NCALD: variants seen among roughly 807,000 people sequenced by gnomAD.
The protein encoded by NCALD is neurocalcin-delta.
Under a neutral mutation model 18.6 loss-of-function variants are expected in NCALD, and 10 were observed. The ratio of observed to expected loss-of-function variants is 0.54; its 90% confidence interval spans 0.33 to 0.91. The LOEUF (loss-of-function observed/expected upper bound fraction) is 0.91. Among genes scored for constraint, NCALD ranks in the 40% least tolerant of loss-of-function variants. The pLI is 0.03. For synonymous variants in NCALD, 88 were observed against 87.4 expected, an observed-to-expected ratio of 1.01 and a Z score of -0.04; for missense variants, 184 against 247.6, an observed-to-expected ratio of 0.74 and a Z score of 1.72.
chr8:101,963,736 A>G (rs1256558103), intron 2 of NCALD, among the ~76,000 whole-genome samples: 1 of 152,182 alleles, frequency 6.6e-6, no homozygotes, highest in Non-Finnish European at 1.5e-5. Flanking sequence ...CCTTATTGGC[A>G]CAACAAGCTA....
At chr8:101,830,359 G>A (rs866384631) in intron 4 of NCALD, among the ~76,000 whole-genome samples, 2 of 152,048 alleles carry the variant, frequency 1.3e-5, no homozygotes, top group African/African-American at 2.4e-5. Context: ...TCAGGAGTTC[G>A]TGTCCAGCCT....
At position 101,688,604 on chromosome 8, in the gene NCALD, A is replaced by G. The variant is rs1163727504; in HGVS notation, c.*705T>C. 2.2e-6 allele frequency: 1 copy of G among 456,158 alleles called. No individual in the cohort carries two copies. Among genetic ancestry groups the G allele is most frequent in the African/African-American group, 2.0e-5 (1 of 50,038 alleles). The allele number at this position is 456,158 out of a possible 1,614,324, so 28.3% of individuals were successfully genotyped here. ...TCTTTTTATTTTATCACAATAGGCA[A>G]CAAGATGGGTCTGGTTTTGGAATAT... On this transcript the variant is annotated 3_prime_UTR_variant, in exon 4 of 4. Transcript: ENST00000220931.
intron 1 of NCALD, among the ~76,000 whole-genome samples, chr8:101,760,055 C>T (rs1475291984): frequency 6.6e-6 from 1 of 152,156 alleles, no homozygotes; most frequent in East Asian, 1.9e-4. Context: ...AAGGTTATGG[C>T]TCCAGTCCCA....
intron 1 of NCALD, among the ~76,000 whole-genome samples, chr8:101,771,073 T>C (rs1811566912): frequency 2.0e-5 from 3 of 152,214 alleles, no homozygotes; most frequent in Admixed American, 6.5e-5. Context: ...TCAAAGTTAC[T>C]TTCTTTTCTT....
At chr8:102,037,564 A>G (rs1427645707) in intron 1 of NCALD, among the ~76,000 whole-genome samples, 3 of 152,250 alleles carry the variant, frequency 2.0e-5, no homozygotes, top group Non-Finnish European at 4.4e-5. Context: ...GCTATCTCCT[A>G]GAGATATAAA....
intron 2 of NCALD, among the ~76,000 whole-genome samples, chr8:101,951,794 G>A (rs1819434818): frequency 6.6e-6 from 1 of 152,152 alleles, no homozygotes. Context: ...AAGCTACAGA[G>A]ATGCCTGAGA....
At chr8:102,016,943 G>A (rs967650373) in intron 2 of NCALD, among the ~76,000 whole-genome samples, 1 of 152,108 alleles carries the variant, frequency 6.6e-6, no homozygotes. Flanking sequence ...TGATTAATAT[G>A]TTAAAGGCTC....
At chr8:101,704,666 C>T (rs957784902) in intron 2 of NCALD, among the ~76,000 whole-genome samples, 1 of 152,002 alleles carries the variant, frequency 6.6e-6, no homozygotes, top group African/African-American at 2.4e-5. Context: ...CCTGTAATCC[C>T]AGCACTTTGG....
chr8:101,995,637 C>T (rs908340479), intron 2 of NCALD, among the ~76,000 whole-genome samples: 1 of 152,152 alleles, frequency 6.6e-6, no homozygotes, highest in East Asian at 1.9e-4. Context: ...AAGAGGATGG[C>T]CAAAGCCATT....
intron 1 of NCALD, among the ~76,000 whole-genome samples, chr8:102,073,430 A>G (rs1312884937): frequency 6.6e-6 from 1 of 152,200 alleles, no homozygotes; most frequent in Non-Finnish European, 1.5e-5. Flanking sequence ...GATGATGAGA[A>G]TATAGAGATA....
intron 2 of NCALD, among the ~76,000 whole-genome samples, chr8:101,929,247 A>AGGAGGAAGGGAT (rs1265828053): frequency 2.5e-5 from 2 of 81,176 alleles, no homozygotes; most frequent in African/African-American, 5.5e-5. Context: ...GAGGAGGAGG[A>AGGAGGAAGGGAT]GGAGGAAGGG....
At chr8:102,001,829 G>C (rs1431611751) in intron 2 of NCALD, among the ~76,000 whole-genome samples, 1 of 152,316 alleles carries the variant, frequency 6.6e-6, no homozygotes, top group African/African-American at 2.4e-5. Flanking sequence ...CAAATGCTGA[G>C]AGATTTTGTC....
At chr8:101,793,942 C>T (rs1234675700), upstream of NCALD, among the ~76,000 whole-genome samples, 2 of 152,114 alleles carry the variant, frequency 1.3e-5, no homozygotes, top group Non-Finnish European at 2.9e-5. Flanking sequence ...AGTCTTTTGT[C>T]GATGTTTGTA....
intron 1 of NCALD, among the ~76,000 whole-genome samples, chr8:101,777,836 A>C (rs1319252184): frequency 6.6e-6 from 1 of 152,158 alleles, no homozygotes; most frequent in Non-Finnish European, 1.5e-5. Flanking sequence ...AGCAGACAGA[A>C]ATTTTAAGAA....
intron 2 of NCALD, among the ~76,000 whole-genome samples, chr8:101,939,470 A>G (rs186165480): frequency 7.5e-4 from 115 of 152,354 alleles, no homozygotes; most frequent in African/African-American, 2.4e-3. Flanking sequence ...AATGACTTAG[A>G]TAATGATTGT....
Position 101,752,526 on chromosome 8 carries a change from T to G in NCALD, c.-19-32878A>C, listed in dbSNP as rs1167527259. The stretch of plus-strand genomic sequence containing the variant: ...GGCAAATTTTAAAAGCTTAGATGAG[T>G]TGGAACACACAAAAGATAACCTATG... On this transcript the variant is annotated intron_variant, in intron 1 of 3. Coordinates refer to ENST00000220931, the MANE Select transcript of NCALD (RefSeq NM_032041.3). Among the ~76,000 whole-genome samples the G allele has an allele frequency of 2.0e-5, 3 of 152,228 alleles. No individual in the cohort carries two copies. In the East Asian group the frequency reaches 5.8e-4, roughly 29 times the overall value.
intron 2 of NCALD, among the ~76,000 whole-genome samples, chr8:101,697,283 T>C (rs1036735933): frequency 6.6e-6 from 1 of 152,174 alleles, no homozygotes; most frequent in African/African-American, 2.4e-5. Flanking sequence ...TAACAAGTTC[T>C]GAAATTGAGG....
intron 2 of NCALD, among the ~76,000 whole-genome samples, chr8:101,957,743 G>A (rs1819689923): frequency 6.6e-6 from 1 of 152,122 alleles, no homozygotes; most frequent in South Asian, 2.1e-4. Flanking sequence ...ACACAAGGAT[G>A]GCAAGTAAAA....
chr8:101,977,709 G>A (rs777381424), intron 2 of NCALD, among the ~76,000 whole-genome samples: 3 of 152,166 alleles, frequency 2.0e-5, no homozygotes, highest in African/African-American at 7.2e-5. Flanking sequence ...GCAATCCTTA[G>A]ACAGCTCTCA....
Sources: allele counts gnomAD v4.1 joint callset (sites outside exome capture counted in the v4.1 genomes callset), GRCh38; gene constraint gnomAD v4.1.1; transcripts MANE v1.5; gene names NCBI Gene and HGNC (gene_info 2026-07-23, HGNC 2026-07-21).